Variants in RHOT1 observed in about 807,000 individuals in gnomAD.
RHOT1 encodes mitochondrial Rho GTPase 1.
Under a neutral mutation model 95.3 loss-of-function variants are expected in RHOT1, and 27 were observed. The ratio of observed to expected loss-of-function variants is 0.28; its 90% CI spans 0.21 to 0.39. RHOT1 has a LOEUF of 0.39. Ranked by LOEUF, RHOT1 falls within the 10% of genes least tolerant of loss-of-function variation. The pLI is 1.00. For synonymous variants in RHOT1, 227 were observed against 263.5 expected (o/e 0.86, Z 1.34); for missense variants, 578 against 786.7 (o/e 0.73, Z 3.17).
chr17:32,197,864 C>A (rs563037525), intron 11 of RHOT1, among the ~76,000 whole-genome samples: 1 of 151,272 alleles, frequency 6.6e-6, no homozygotes, highest in Non-Finnish European at 1.5e-5. Flanking sequence ...TGAGCCACCA[C>A]GCCCAGCCAG....
chr17:32,199,032 G>C lies in RHOT1; in HGVS notation c.954+1G>C. ...AAGCACCTTTGACAAGCATGATTTGGTAAGCCTTTAGCTGTAATTTTCCAT... is the reference window on the plus strand; with the variant it reads ...AAGCACCTTTGACAAGCATGATTTGCTAAGCCTTTAGCTGTAATTTTCCAT... On this transcript the variant is annotated splice_donor_variant, in intron 12 of 19. Coordinates refer to ENST00000545287, the MANE Select transcript of RHOT1 (RefSeq NM_001033566.3). LOFTEE classifies it high-confidence loss of function. The C allele has an allele frequency of 6.3e-7, 1 of 1,595,524 alleles. No homozygotes were observed.
chr17:32,145,315 A>G (rs2031152551), intron 1 of RHOT1, among the ~76,000 whole-genome samples: 1 of 152,138 alleles, frequency 6.6e-6, no homozygotes, highest in Non-Finnish European at 1.5e-5. Flanking sequence ...ATATATATAT[A>G]TATTGATAAT....
Position 32,165,336 on chromosome 17 carries a change from C to CAAA in RHOT1, c.38-5683_38-5681dup, listed in dbSNP as rs773728913. ...TGGGCGACAGAGCAAGACTCCGTCT[C>CAAA]AAAAAAAAAAAAAAAAAAAAAAAAA... On this transcript the variant is annotated intron_variant, in intron 1 of 19. Transcript: ENST00000545287. Among the ~76,000 whole-genome samples, 23 of 34,334 alleles carry CAAA rather than the reference C, an allele frequency of 6.7e-4. 1 individual carries two copies. Among genetic ancestry groups the CAAA allele is most frequent in the African/African-American group, 2.4e-3 (21 of 8,628 alleles). 22.5% of individuals were successfully genotyped at this position (34,334 alleles called of 152,430 possible).
intron 6 of RHOT1, among the ~76,000 whole-genome samples, chr17:32,181,262 G>A (rs577533585): frequency 6.6e-6 from 1 of 152,188 alleles, no homozygotes; most frequent in South Asian, 2.1e-4. Flanking sequence ...GATTTAACTT[G>A]TCTAAAAGAA....
chr17:32,194,627 CTT>C (rs908918765), intron 11 of RHOT1, among the ~76,000 whole-genome samples: 6 of 152,054 alleles, frequency 3.9e-5, no homozygotes, highest in Admixed American at 1.3e-4. Flanking sequence ...CTACAAGTAT[CTT>C]TTTTTGTTCA....
chr17:32,176,636 A>G (rs955613829), intron 6 of RHOT1, among the ~76,000 whole-genome samples: 4 of 151,808 alleles, frequency 2.6e-5, no homozygotes, highest in Admixed American at 6.6e-5. Flanking sequence ...ATAGGAGCAC[A>G]ATCTTGGCTC....
Position 32,142,604 on chromosome 17 carries a change from T to A in RHOT1, c.-89T>A. 8.3e-7 allele frequency: 1 copy of A among 1,208,234 alleles called. No individual in the cohort carries two copies. The highest frequency in any genetic ancestry group is 1.1e-6 in the Non-Finnish European group (1 of 911,182). The allele number at this position is 1,208,234 out of a possible 1,614,324, so 74.8% of individuals were successfully genotyped here. A position where few individuals can be genotyped will look rare whatever the true frequency, so the allele number is the denominator to read the frequency against. On this transcript the variant is annotated 5_prime_UTR_variant, in exon 1 of 20. Transcript: ENST00000545287. Reference sequence around the variant, plus strand: ...GGCGGGCCCCGGCGGCCGAAGAGGCTGGCAGGTGGCGCCGTGGGGTGGGTG... The same window carrying A: ...GGCGGGCCCCGGCGGCCGAAGAGGCAGGCAGGTGGCGCCGTGGGGTGGGTG...
chr17:32,171,095 A>G lies in RHOT1; in HGVS notation c.90A>G (p.Pro30=), dbSNP rs781174513. 6.3e-7 allele frequency: 1 copy of G among 1,588,872 alleles called. No homozygotes were observed. The highest frequency in any genetic ancestry group is 8.6e-7 in the Non-Finnish European group (1 of 1,163,388). The part of the protein sequence containing the change: ...LIMSLVSEEF[P]EEVPPRAEEI... ...TGTCTCTGGTCAGTGAAGAATTTCC[A>G]GAAGAGGTAAACATTTTGATTTCCA... Residue 30 remains proline, a synonymous_variant, in exon 2 of 20, where the codon CCA becomes CCG. Transcript: ENST00000545287.
intron 1 of RHOT1, among the ~76,000 whole-genome samples, chr17:32,147,885 T>G (rs2031620561): frequency 2.0e-5 from 3 of 151,718 alleles, no homozygotes; most frequent in Admixed American, 2.0e-4. Context: ...TGGGTAATAT[T>G]CTATGGCCAG....
Position 32,212,564 on chromosome 17 carries a change from C to T in RHOT1, c.1862+1326C>T, listed in dbSNP as rs78863887. Among the ~76,000 whole-genome samples the T allele has an allele frequency of 1.8e-4, 28 of 152,328 alleles. No individual in the cohort carries two copies. The East Asian group carries it at 5.0e-3, about 27-fold the overall frequency. ...AGTTGGAAGAGATTCTAGAATTCAT[C>T]TGGCCTAACCTCCTGTTAGAATGCC... On this transcript the variant is annotated intron_variant, in intron 19 of 19. Coordinates refer to ENST00000545287, the MANE Select transcript of RHOT1 (RefSeq NM_001033566.3).
At chr17:32,218,770 T>G (rs931565357) in intron 19 of RHOT1, among the ~76,000 whole-genome samples, 1 of 152,164 alleles carries the variant, frequency 6.6e-6, no homozygotes, top group Non-Finnish European at 1.5e-5. Flanking sequence ...GCTGTGTTCA[T>G]GCCATTGCAT....
chr17:32,224,773 T>C lies in RHOT1; in HGVS notation c.*40T>C, dbSNP rs771360071. ...CTGTCCCTACCAAAAACAAATACTT[T>C]TATGTACATTCTGAATGCTTTAAGT... On this transcript the variant is annotated 3_prime_UTR_variant, in exon 20 of 20. Coordinates refer to ENST00000545287, the MANE Select transcript of RHOT1 (RefSeq NM_001033566.3). The C allele has an allele frequency of 3.4e-6, 4 of 1,193,710 alleles. No individual in the cohort carries two copies. In the Admixed American group the frequency reaches 5.4e-5, roughly 16 times the overall value. 73.9% of individuals were successfully genotyped at this position (1,193,710 alleles called of 1,614,324 possible).
intron 8 of RHOT1, 44 bp downstream of exon 8, chr17:32,183,316 C>T (rs2035784401): frequency 9.0e-7 from 1 of 1,114,388 alleles, no homozygotes; most frequent in Non-Finnish European, 1.2e-6. Context: ...TATGTAGTAA[C>T]TCTAGTATGG....
intron 18 of RHOT1, chr17:32,209,626 T>C: frequency 4.2e-6 from 2 of 477,014 alleles, no homozygotes; most frequent in East Asian, 3.4e-5. Flanking sequence ...TGTACTTCTT[T>C]AATCTTGTGA....
chr17:32,156,102 C>G (rs2032939855), intron 1 of RHOT1, among the ~76,000 whole-genome samples: 1 of 152,222 alleles, frequency 6.6e-6, no homozygotes, highest in Non-Finnish European at 1.5e-5. Context: ...TTGGCAAGAT[C>G]TGAAAATTCC....
chr17:32,169,779 G>C (rs537330312), intron 1 of RHOT1, among the ~76,000 whole-genome samples: 9 of 152,134 alleles, frequency 5.9e-5, no homozygotes, highest in Admixed American at 3.9e-4. Context: ...GCTGAGGCAG[G>C]TGGATTGCTT....
Position 32,173,856 on chromosome 17 carries a change from C to G in RHOT1, c.122C>G (p.Thr41Ser), listed in dbSNP as rs1388171021. 6.2e-7 allele frequency: 1 copy of G among 1,608,948 alleles called. No individual in the cohort carries two copies. ...EEVPPRAEEI[T>S]IPADVTPERV... ...GTTCCTCCCCGGGCAGAAGAAATCA[C>G]CATTCCAGCTGATGTCACCCCAGAG... The change falls in exon 3 of 20, where the codon ACC becomes AGC. Residue 41 changes from threonine (T) to serine (S), a missense_variant. By Grantham distance (58) the Thr-to-Ser change is moderately conservative (BLOSUM62 1). Transcript: ENST00000545287.
rs576566636 is a variant in RHOT1 at position 32,153,099 on chromosome 17, G to T, written c.37+10370G>T. Among the ~76,000 whole-genome samples, 4 of 152,300 alleles carry T rather than the reference G, an allele frequency of 2.6e-5. No individual in the cohort carries two copies. In the South Asian group the frequency reaches 8.3e-4, roughly 32 times the overall value. ...TTACAGGCGTGAGCCGCCTCACTTGGCCTGTTTAACATTTTTTGAATTGTG... is the reference window on the plus strand; with the variant it reads ...TTACAGGCGTGAGCCGCCTCACTTGTCCTGTTTAACATTTTTTGAATTGTG... On this transcript the variant is annotated intron_variant, in intron 1 of 19. Transcript: ENST00000545287.
chr17:32,203,553 G>A (rs2037485457), intron 15 of RHOT1, among the ~76,000 whole-genome samples: 2 of 151,940 alleles, frequency 1.3e-5, no homozygotes, highest in South Asian at 4.2e-4. Context: ...ACACCCTGCC[G>A]ACATATTTCT....
Sources: allele counts gnomAD v4.1 joint callset (sites outside exome capture counted in the v4.1 genomes callset), GRCh38; gene constraint gnomAD v4.1.1; transcripts MANE v1.5; gene names NCBI Gene and HGNC (gene_info 2026-07-23, HGNC 2026-07-21).